FOXF1: variants seen among roughly 807,000 people sequenced by gnomAD.
FOXF1 encodes forkhead box F1, also known as forkhead box protein F1.
FOXF1 carries 9 observed loss-of-function variants against 26.6 expected under a neutral mutation model. The ratio of observed to expected loss-of-function variants is 0.34; its 90% CI spans 0.20 to 0.59. FOXF1 has a LOEUF of 0.59. Ranked by LOEUF, FOXF1 falls within the 20% of genes least tolerant of loss-of-function variation. FOXF1 has a pLI of 0.83. For missense variants in FOXF1, 499 were observed against 549.9 expected (o/e 0.91, Z 0.93); for synonymous variants, 330 against 257.7 (o/e 1.28, Z -2.69).
In FOXF1 at chr16:86,510,773, C is replaced by G. The variant is rs370422274; in HGVS notation, c.204C>G (p.Arg68=). Residue 68 remains arginine (R), a synonymous_variant, in exon 1 of 2, where the codon CGC becomes CGG. Coordinates refer to ENST00000262426, the MANE Select transcript of FOXF1 (RefSeq NM_001451.3). Reference sequence around the variant, plus strand: ...CCATCCAGAGTTCACCCACCAAGCGCCTGACGCTGAGCGAGATCTACCAGT... The same window carrying G: ...CCATCCAGAGTTCACCCACCAAGCGGCTGACGCTGAGCGAGATCTACCAGT... The part of the protein sequence containing the change: ...VMAIQSSPTK[R]LTLSEIYQFL... 3.6e-3 allele frequency: 5,754 copies of G among 1,613,848 alleles called. 228 individuals carry two copies. In the South Asian group the frequency reaches 0.06, roughly 17 times the overall value.
chr16:86,512,019 T>C (rs1969573854), intron 1 of FOXF1, among the ~76,000 whole-genome samples: 1 of 152,186 alleles, frequency 6.6e-6, no homozygotes, highest in Non-Finnish European at 1.5e-5. Flanking sequence ...CCAAAGCCGC[T>C]GGGCCAGCGC....
rs1234243942 is a variant in FOXF1 at position 86,514,248 on chromosome 16, CCTT to C, written c.*1164_*1166del. 2.7e-5 allele frequency: 2 copies of C among 72,834 alleles called. No homozygotes were observed. The highest frequency in any genetic ancestry group is 6.1e-5 in the Non-Finnish European group (2 of 32,536). The allele number at this position is 72,834 out of a possible 1,614,324, so 4.5% of individuals were successfully genotyped here. ...TATATATAATATGAAGGACTACCCT[CCTT>C]TTTTTTTTTTGTATTTTGGCTGCTA... is the stretch of plus-strand genomic sequence containing the variant. On this transcript the variant is annotated 3_prime_UTR_variant, in exon 2 of 2. Transcript: ENST00000262426.
In FOXF1 at chr16:86,514,204, C is replaced by CAT. The variant is rs1284195107; in HGVS notation, c.*1122_*1123dup. On this transcript the variant is annotated 3_prime_UTR_variant, in exon 2 of 2. Transcript: ENST00000262426. ...ACCGATCTGTGTAAAAACAAATTTC[C>CAT]ATATGTTTTATATAAATATATATAT... 1 of 150,898 alleles carries CAT rather than the reference C, an allele frequency of 6.6e-6. No individual in the cohort carries two copies. The highest frequency in any genetic ancestry group is 2.4e-5 in the African/African-American group (1 of 41,172). The allele number at this position is 150,898 out of a possible 1,614,324, so 9.3% of individuals were successfully genotyped here.
chr16:86,512,712 A>G (rs533590384), intron 1 of FOXF1, among the ~76,000 whole-genome samples: 1 of 148,404 alleles, frequency 6.7e-6, no homozygotes, highest in Admixed American at 6.8e-5. Context: ...GCAGGCAGGC[A>G]GGCAGGCCGT....
rs1284195107 is a variant in FOXF1 at position 86,514,204 on chromosome 16, CAT to C, written c.*1122_*1123del. 1 of 150,814 alleles carries C rather than the reference CAT, an allele frequency of 6.6e-6. No individual in the cohort carries two copies. Among genetic ancestry groups the C allele is most frequent in the African/African-American group, 2.4e-5 (1 of 41,058 alleles). The allele number at this position is 150,814 out of a possible 1,614,324, so 9.3% of individuals were successfully genotyped here. A position where few individuals can be genotyped will look rare whatever the true frequency, so the allele number is the denominator to read the frequency against. ...ACCGATCTGTGTAAAAACAAATTTC[CAT>C]ATGTTTTATATAAATATATATATAA... On this transcript the variant is annotated 3_prime_UTR_variant, in exon 2 of 2. Coordinates refer to ENST00000262426, the MANE Select transcript of FOXF1 (RefSeq NM_001451.3).
chr16:86,513,317 T>C lies in FOXF1; in HGVS notation c.*232T>C. On this transcript the variant is annotated 3_prime_UTR_variant, in exon 2 of 2. Coordinates refer to ENST00000262426, the MANE Select transcript of FOXF1 (RefSeq NM_001451.3). ...TAAGAAATGTTAGTGGTGGGTCTGA[T>C]CTGACTGCAGCCATCGGTAAATAAA... 2 of 564,008 alleles carry C rather than the reference T, an allele frequency of 3.5e-6. No homozygotes were observed. The highest frequency in any genetic ancestry group is 2.0e-5 in the South Asian group (1 of 49,544). 34.9% of individuals were successfully genotyped at this position (564,008 alleles called of 1,614,324 possible). A position where few individuals can be genotyped will look rare whatever the true frequency, so the allele number is the denominator to read the frequency against.
Position 86,512,953 on chromosome 16 carries a change from C to T in FOXF1, c.1008C>T (p.Pro336=), listed in dbSNP as rs141485604. The part of the protein sequence containing the change: ...QGIPRYHSQS[P]SMCDRKEFVF... ...TCCCGCGGTATCACTCGCAGTCGCCCAGCATGTGTGACCGAAAGGAGTTTG... is the reference window on the plus strand; with the variant it reads ...TCCCGCGGTATCACTCGCAGTCGCCTAGCATGTGTGACCGAAAGGAGTTTG... Residue 336 remains proline, a synonymous_variant, in exon 2 of 2, where the codon CCC becomes CCT. Transcript: ENST00000262426. 5.0e-6 allele frequency: 8 copies of T among 1,614,072 alleles called. No homozygotes were observed. The highest frequency in any genetic ancestry group is 1.3e-5 in the African/African-American group (1 of 74,954).
In FOXF1 at chr16:86,513,027, G is replaced by A; in HGVS notation, c.1082G>A (p.Gly361Glu). 6.2e-7 allele frequency: 1 copy of A among 1,613,806 alleles called. No homozygotes were observed. Among genetic ancestry groups the A allele is most frequent in the Non-Finnish European group, 8.5e-7 (1 of 1,180,036 alleles). The change falls in exon 2 of 2, where the codon GGG becomes GAG. Residue 361 changes from glycine (G) to glutamate (E), a missense_variant. Coordinates refer to ENST00000262426, the MANE Select transcript of FOXF1 (RefSeq NM_001451.3). ...MASSSMHSAGGGSYYHQQVTY... is the reference protein window; with the variant it reads ...MASSSMHSAGEGSYYHQQVTY... ...TCCTCTTCCATGCACTCGGCCGGCG[G>A]GGGCTCCTACTACCACCAGCAGGTC... is the stretch of plus-strand genomic sequence containing the variant.
chr16:86,511,004 A>C lies in FOXF1; in HGVS notation c.435A>C (p.Arg145=). The change falls in exon 1 of 2, where the codon CGA becomes CGC. Residue 145 remains arginine, a synonymous_variant. Transcript: ENST00000262426. The stretch of plus-strand genomic sequence containing the variant: ...TTCGGCGGCGGCCGCGCGGCTTCCG[A>C]AGGAAATGCCAGGCGCTCAAGCCCA... ...GSFRRRPRGF[R]RKCQALKPMY... The C allele has an allele frequency of 6.2e-7, 1 of 1,612,262 alleles. No homozygotes were observed. The highest frequency in any genetic ancestry group is 1.3e-5 in the African/African-American group (1 of 74,812).
intron 1 of FOXF1, among the ~76,000 whole-genome samples, chr16:86,512,118 G>C (rs1286423307): frequency 6.6e-6 from 1 of 152,262 alleles, no homozygotes; most frequent in Non-Finnish European, 1.5e-5. Flanking sequence ...TGAGGCAGGA[G>C]GGTGCCGTGG....
rs146069306 is a variant in FOXF1, at chr16:86,511,048, G to A, written c.479G>A (p.Gly160Glu). Residue 160 changes from glycine (G) to glutamate (E), a missense_variant, in exon 1 of 2, where the codon GGG becomes GAG. By Grantham distance (98) the Gly-to-Glu change is moderately conservative (BLOSUM62 -2). Coordinates refer to ENST00000262426, the MANE Select transcript of FOXF1 (RefSeq NM_001451.3). ...AAGCCCATGTACAGCATGATGAACG[G>A]GCTCGGCTTCAACCACCTCCCGGAC... ...ALKPMYSMMN[G>E]LGFNHLPDTY... 1 of 1,611,518 alleles carries A rather than the reference G, an allele frequency of 6.2e-7. No individual in the cohort carries two copies. Among genetic ancestry groups the A allele is most frequent in the Non-Finnish European group, 8.5e-7 (1 of 1,179,956 alleles).
chr16:86,511,161 C>T lies in FOXF1; in HGVS notation c.592C>T (p.His198Tyr), dbSNP rs1969556603. 1 of 1,593,810 alleles carries T rather than the reference C, an allele frequency of 6.3e-7. No individual in the cohort carries two copies. The highest frequency in any genetic ancestry group is 1.3e-5 in the African/African-American group (1 of 74,558). Reference protein sequence around the residue: ...LEGGLGMMNGHLPGNVDGMAL... With the variant: ...LEGGLGMMNGYLPGNVDGMAL... ...GGGCGGCCTGGGCATGATGAACGGC[C>T]ACTTGCCGGGCAACGTGGACGGCAT... Residue 198 changes from histidine (H) to tyrosine (Y), a missense_variant, in exon 1 of 2, where the codon CAC (histidine) becomes TAC (tyrosine). Physicochemically the swap from His to Tyr is moderately conservative, Grantham distance 83 (BLOSUM62 2). Transcript: ENST00000262426.
chr16:86,511,357 A>C lies in FOXF1; in HGVS notation c.788A>C (p.Tyr263Ser). Reference sequence around the variant, plus strand: ...GGGGTCATGGAGCCGCACGCCGTCTACTCGGGCTCGGCGGCGGCCTGGCCG... The same window carrying C: ...GGGGTCATGGAGCCGCACGCCGTCTCCTCGGGCTCGGCGGCGGCCTGGCCG... ...AGGVMEPHAVYSGSAAAWPPS... is the reference protein window; with the variant it reads ...AGGVMEPHAVSSGSAAAWPPS... The change falls in exon 1 of 2, where the codon TAC (tyrosine) becomes TCC (serine). Residue 263 changes from tyrosine to serine, a missense_variant. This residue lies in a region of FOXF1 where 367 missense variants were observed against 324.8 expected (regional missense o/e 1.13). Transcript: ENST00000262426. The C allele has an allele frequency of 6.4e-7, 1 of 1,560,034 alleles. No individual in the cohort carries two copies. The highest frequency in any genetic ancestry group is 8.6e-7 in the Non-Finnish European group (1 of 1,162,636).
chr16:86,512,476 T>G (rs1969581879), intron 1 of FOXF1, among the ~76,000 whole-genome samples: 1 of 152,212 alleles, frequency 6.6e-6, no homozygotes, highest in South Asian at 2.1e-4. Flanking sequence ...AAGCTTCTTC[T>G]CACCCCTGCT....
rs1205835195 is a variant in FOXF1, at chr16:86,514,115, C to G, written c.*1030C>G. ...CCGTTTATCAGTATTAATGGTGTAA[C>G]TTTGTTGGCAATATTTGCCGTGTAG... On this transcript the variant is annotated 3_prime_UTR_variant, in exon 2 of 2. Coordinates refer to ENST00000262426, the MANE Select transcript of FOXF1 (RefSeq NM_001451.3). 6.6e-6 allele frequency: 1 copy of G among 152,176 alleles called. No individual in the cohort carries two copies. Among genetic ancestry groups the G allele is most frequent in the Non-Finnish European group, 1.5e-5 (1 of 68,046 alleles). The allele number at this position is 152,176 out of a possible 1,614,324, so 9.4% of individuals were successfully genotyped here. A position where few individuals can be genotyped will look rare whatever the true frequency, so the allele number is the denominator to read the frequency against.
rs1044172464 is a variant in FOXF1, at chr16:86,510,627, G to C, written c.58G>C (p.Gly20Arg). The change falls in exon 1 of 2, where the codon GGG (glycine) becomes CGG (arginine). Residue 20 changes from glycine (G) to arginine (R), a missense_variant. Coordinates refer to ENST00000262426, the MANE Select transcript of FOXF1 (RefSeq NM_001451.3). The stretch of plus-strand genomic sequence containing the variant: ...GCACGGCGGCGGCGGCGGCGGCGGC[G>C]GGGGAGGCGGCGCGGCCATGGACCC... ...PPHGGGGGGGGGGGAAMDPAS... is the reference protein window; with the variant it reads ...PPHGGGGGGGRGGGAAMDPAS... 6 of 1,405,492 alleles carry C rather than the reference G, an allele frequency of 4.3e-6. No individual in the cohort carries two copies. The highest frequency in any genetic ancestry group is 2.3e-4 in the Middle Eastern group (1 of 4,318). 87.1% of individuals were successfully genotyped at this position (1,405,492 alleles called of 1,614,324 possible). A position where few individuals can be genotyped will look rare whatever the true frequency, so the allele number is the denominator to read the frequency against.
chr16:86,511,923 G>C (rs1969572432), intron 1 of FOXF1, among the ~76,000 whole-genome samples: 1 of 152,194 alleles, frequency 6.6e-6, no homozygotes, highest in African/African-American at 2.4e-5. Flanking sequence ...GCGCTGGCCA[G>C]ATGGCTGTCC....
At position 86,511,166 on chromosome 16, in the gene FOXF1, G is replaced by A. The variant is rs749812092; in HGVS notation, c.597G>A (p.Leu199=). The A allele has an allele frequency of 6.3e-7, 1 of 1,589,778 alleles. No individual in the cohort carries two copies. Among genetic ancestry groups the A allele is most frequent in the Non-Finnish European group, 8.5e-7 (1 of 1,175,410 alleles). The change falls in exon 1 of 2, where the codon TTG becomes TTA. Residue 199 remains leucine (L), a synonymous_variant. Transcript: ENST00000262426. ...GCCTGGGCATGATGAACGGCCACTT[G>A]CCGGGCAACGTGGACGGCATGGCCC... The part of the protein sequence containing the change: ...EGGLGMMNGH[L]PGNVDGMALP...
chr16:86,513,276 A>C lies in FOXF1; in HGVS notation c.*191A>C, dbSNP rs1394750256. The C allele has an allele frequency of 4.9e-6, 3 of 609,956 alleles. No individual in the cohort carries two copies. Among genetic ancestry groups the C allele is most frequent in the Non-Finnish European group, 8.7e-6 (3 of 344,820 alleles). The allele number at this position is 609,956 out of a possible 1,614,324, so 37.8% of individuals were successfully genotyped here. ...CGCTGCGGTTGGCACCTCCTTCCTC[A>C]CTCCTTCAAAATTGTTAAGAAATGT... On this transcript the variant is annotated 3_prime_UTR_variant, in exon 2 of 2. Transcript: ENST00000262426.
Sources: gnomAD v4.1 joint callset for allele counts (sites outside exome capture counted in the v4.1 genomes callset) on GRCh38, gnomAD v4.1.1 for gene constraint, gnomAD v4.1.1 regional missense constraint, MANE v1.5 for transcripts, NCBI Gene and HGNC (gene_info 2026-07-23, HGNC 2026-07-21) for gene names.